The following EDIL3 variants were observed in gnomAD, a reference collection of about 807,000 sequenced individuals.
The protein encoded by EDIL3 is EGF-like repeat and discoidin I-like domain-containing protein 3.
Under a neutral mutation model 67.4 loss-of-function variants are expected in EDIL3, and 37 were observed. The ratio of observed to expected loss-of-function variants is 0.55; its 90% CI spans 0.42 to 0.72. EDIL3 has a LOEUF of 0.72. Ranked by LOEUF, EDIL3 falls within the 30% of genes least tolerant of loss-of-function variation. EDIL3 has a pLI of 0.00. For missense variants in EDIL3, 527 were observed against 586.3 expected (o/e 0.90, Z 1.04); for synonymous variants, 195 against 196.3 (o/e 0.99, Z 0.05).
intron 1 of EDIL3, among the ~76,000 whole-genome samples, chr5:84,364,265 C>T (rs1182334337): frequency 2.6e-5 from 4 of 152,112 alleles, no homozygotes; most frequent in African/African-American, 7.2e-5. Context: ...GGAGAAGCTA[C>T]GGTCTCTATT....
chr5:84,104,190 G>A (rs1471618767), intron 6 of EDIL3, among the ~76,000 whole-genome samples: 1 of 151,870 alleles, frequency 6.6e-6, no homozygotes, highest in African/African-American at 2.4e-5. Context: ...GGAACACACG[G>A]ACACATAGAA....
At chr5:84,041,023 T>C (rs1746110910) in intron 9 of EDIL3, among the ~76,000 whole-genome samples, 2 of 151,776 alleles carry the variant, frequency 1.3e-5, no homozygotes. Flanking sequence ...CCCAGCTACC[T>C]GGGAGTCTGA....
chr5:84,136,470 A>G (rs1748095539), intron 5 of EDIL3, among the ~76,000 whole-genome samples: 2 of 151,564 alleles, frequency 1.3e-5, no homozygotes, highest in African/African-American at 4.8e-5. Flanking sequence ...CTTTTTTCCC[A>G]GCTTTTTTTT....
chr5:84,219,730 G>A (rs1266474425), intron 3 of EDIL3, among the ~76,000 whole-genome samples: 1 of 152,150 alleles, frequency 6.6e-6, no homozygotes, highest in African/African-American at 2.4e-5. Context: ...ATCTACAGAT[G>A]AATGGATTTT....
intron 1 of EDIL3, among the ~76,000 whole-genome samples, chr5:84,358,059 C>A (rs962568853): frequency 6.8e-4 from 104 of 152,192 alleles, no homozygotes; most frequent in African/African-American, 2.5e-3. Context: ...AGACCAATTA[C>A]AAGAATCCTC....
intron 4 of EDIL3, among the ~76,000 whole-genome samples, chr5:84,173,381 A>C (rs562403032): frequency 2.9e-4 from 44 of 152,242 alleles, no homozygotes; most frequent in South Asian, 6.2e-4. Context: ...GACTACAAAG[A>C]GGTGCCAGAC....
intron 1 of EDIL3, among the ~76,000 whole-genome samples, chr5:84,343,929 A>G (rs1222645416): frequency 6.6e-6 from 1 of 152,170 alleles, no homozygotes; most frequent in African/African-American, 2.4e-5. Context: ...AGGTAGTTTC[A>G]GGTTGAGTTC....
chr5:84,052,949 C>T (rs1580301308), intron 9 of EDIL3, among the ~76,000 whole-genome samples: 2 of 152,120 alleles, frequency 1.3e-5, no homozygotes, highest in African/African-American at 2.4e-5. Flanking sequence ...AGCTCTGCAC[C>T]AAGTGGACCT....
intron 1 of EDIL3, among the ~76,000 whole-genome samples, chr5:84,328,712 T>A (rs1451961806): frequency 6.6e-6 from 1 of 152,070 alleles, no homozygotes; most frequent in East Asian, 1.9e-4. Flanking sequence ...AAATGCCTAG[T>A]GTCATTCCAT....
At chr5:84,298,321 T>C (rs1226867774) in intron 1 of EDIL3, among the ~76,000 whole-genome samples, 1 of 152,108 alleles carries the variant, frequency 6.6e-6, no homozygotes, top group Non-Finnish European at 1.5e-5. Context: ...TGAGATCATG[T>C]CTTTTGCAGA....
Position 83,986,811 on chromosome 5 carries a change from G to A in EDIL3, c.1138-23451C>T, listed in dbSNP as rs543681544. ...GAGGAAAGGGCATTCTAGACCAGGA[G>A]AAGTGCACTTGCAAATGTGAAATAT... On this transcript the variant is annotated intron_variant, in intron 9 of 10. Coordinates refer to ENST00000296591, the MANE Select transcript of EDIL3 (RefSeq NM_005711.5). 4.5e-4 allele frequency among the ~76,000 whole-genome samples: 69 copies of A among 152,118 alleles called. 2 individuals are homozygous for A. Among genetic ancestry groups the A allele is most frequent in the Admixed American group, 4.6e-4 (7 of 15,242 alleles).
intron 1 of EDIL3, among the ~76,000 whole-genome samples, chr5:84,347,552 T>G (rs4643930): frequency 0.99 from 150,757 of 152,296 alleles, 74,677 homozygotes; most frequent in Non-Finnish European, 1. Flanking sequence ...CTCAGATACA[T>G]ACTATTAGTT....
intron 2 of EDIL3, among the ~76,000 whole-genome samples, chr5:84,245,051 G>A (rs190927730): frequency 1.5e-4 from 23 of 152,238 alleles, no homozygotes; most frequent in African/African-American, 4.6e-4. Flanking sequence ...TCTAAAACAT[G>A]ATTTAAGCTT....
chr5:84,108,542 A>G (rs1407734061), intron 5 of EDIL3, among the ~76,000 whole-genome samples: 3 of 152,210 alleles, frequency 2.0e-5, no homozygotes, highest in African/African-American at 7.2e-5. Flanking sequence ...GCTGCAGATG[A>G]TAATCTGATT....
At chr5:83,958,876 T>C (rs976288513) in intron 10 of EDIL3, among the ~76,000 whole-genome samples, 3 of 151,374 alleles carry the variant, frequency 2.0e-5, no homozygotes, top group African/African-American at 7.3e-5. Context: ...AAAATGTACC[T>C]GAATTAATGC....
At chr5:84,195,693 T>C (rs1743690030) in intron 3 of EDIL3, among the ~76,000 whole-genome samples, 1 of 151,990 alleles carries the variant, frequency 6.6e-6, no homozygotes. Flanking sequence ...GACCGTGCTT[T>C]GGGCTTAGAA....
intron 6 of EDIL3, among the ~76,000 whole-genome samples, chr5:84,083,844 A>G (rs1037378047): frequency 6.6e-6 from 1 of 152,214 alleles, no homozygotes; most frequent in African/African-American, 2.4e-5. Context: ...ACACTGATCA[A>G]GTCCTTTTGA....
chr5:84,097,335 A>G (rs1226878038), intron 6 of EDIL3, among the ~76,000 whole-genome samples: 1 of 152,216 alleles, frequency 6.6e-6, no homozygotes, highest in East Asian at 1.9e-4. Flanking sequence ...ACATTGCCCT[A>G]GTATTATACT....
chr5:83,996,081 G>A (rs2112164406), intron 9 of EDIL3, among the ~76,000 whole-genome samples: 1 of 152,238 alleles, frequency 6.6e-6, no homozygotes, highest in East Asian at 1.9e-4. Context: ...AATAATCTAG[G>A]TGAAAAGGAG....
Sources: allele counts gnomAD v4.1 joint callset (sites outside exome capture counted in the v4.1 genomes callset), GRCh38; gene constraint gnomAD v4.1.1; transcripts MANE v1.5; gene names NCBI Gene and HGNC (gene_info 2026-07-23, HGNC 2026-07-21).